TMEM150B: variants seen among roughly 807,000 people sequenced by gnomAD.
TMEM150B encodes the protein transmembrane protein 150B.
In TMEM150B, 33 loss-of-function variants were observed where a neutral mutation model predicts 25.2. The ratio of observed to expected loss-of-function variants is 1.31; its 90% CI spans 0.99 to 1.75. The LOEUF (loss-of-function observed/expected upper bound fraction) is 1.75, where lower values mean the gene tolerates loss of function less well. TMEM150B is among the 40% of genes most tolerant of loss of function. TMEM150B has a pLI of 0.00. For synonymous variants in TMEM150B, 133 were observed against 134.8 expected, an observed-to-expected ratio of 0.99 and a Z score of 0.09; for missense variants, 322 against 306.1, an observed-to-expected ratio of 1.05 and a Z score of -0.39.
chr19:55,312,706 G>A (rs1027211207), downstream of TMEM150B: 11 of 738,756 alleles, frequency 1.5e-5, no homozygotes, highest in African/African-American at 4.3e-5. Flanking sequence ...CCTCCGCGCC[G>A]GCACACAGGT....
At chr19:55,321,424 G>C (rs895528556) in intron 2 of TMEM150B, among the ~76,000 whole-genome samples, 1 of 151,996 alleles carries the variant, frequency 6.6e-6, no homozygotes, top group African/African-American at 2.4e-5. Context: ...GGTGAGCTTA[G>C]GGAAGAAGGG....
downstream of TMEM150B, chr19:55,312,533 CAAAAAAAAAAAAAA>C (rs372052269): frequency 2.1e-3 from 54 of 25,748 alleles, 1 homozygote; most frequent in South Asian, 0.11. Flanking sequence ...CCGCCGGCGG[CAAAAAAAAAAAAAA>C]AAAAAAAAAA....
chr19:55,314,619 AC>A (rs1444530646), intron 7 of TMEM150B, among the ~76,000 whole-genome samples: 2 of 151,866 alleles, frequency 1.3e-5, no homozygotes, highest in Non-Finnish European at 2.9e-5. Flanking sequence ...CACCCAAGAG[AC>A]TACTGAGTCC....
chr19:55,320,335 G>A (rs1332779936), intron 5 of TMEM150B, 56 bp downstream of exon 5: 13 of 1,502,826 alleles, frequency 8.7e-6, no homozygotes, highest in African/African-American at 4.2e-5. Flanking sequence ...GAGCGGTTTC[G>A]GAACTCGCTT....
At chr19:55,318,669 G>A (rs1449838811) in intron 6 of TMEM150B, among the ~76,000 whole-genome samples, 2 of 152,082 alleles carry the variant, frequency 1.3e-5, no homozygotes, top group Non-Finnish European at 2.9e-5. Context: ...TATTCTCTGT[G>A]GTCCATGGGC....
chr19:55,320,181 G>A lies in TMEM150B; in HGVS notation c.197-15C>T, dbSNP rs1477823977. The A allele has an allele frequency of 6.2e-7, 1 of 1,612,772 alleles. No individual in the cohort carries two copies. Among genetic ancestry groups the A allele is most frequent in the East Asian group, 2.2e-5 (1 of 44,872 alleles). ...GATCCACGCGGCTGGGAGTAGAGGG[G>A]AGAAGGAAGTGGGAGGGAGACCCAC... On this transcript the variant is annotated splice_polypyrimidine_tract_variant and intron_variant, in intron 5 of 7. Transcript: ENST00000326652.
chr19:55,314,292 G>A (rs141931032), intron 7 of TMEM150B, among the ~76,000 whole-genome samples: 213 of 152,256 alleles, frequency 1.4e-3, no homozygotes, highest in Middle Eastern at 0.014. Flanking sequence ...AAAGCGCTGG[G>A]ATTATGGGCA....
downstream of TMEM150B, chr19:55,312,715 G>A: frequency 1.3e-6 from 1 of 798,398 alleles, no homozygotes; most frequent in South Asian, 1.9e-5. Flanking sequence ...CGGCACACAG[G>A]TCCTCCGGCT....
Position 55,319,994 on chromosome 19 carries a change from C to T in TMEM150B, c.324+45G>A, listed in dbSNP as rs773562196. 21 of 1,612,604 alleles carry T rather than the reference C, an allele frequency of 1.3e-5. No homozygotes were observed. The African/African-American group carries it at 2.8e-4, about 22-fold the overall frequency. The stretch of plus-strand genomic sequence containing the variant: ...ACGGGGCATGCTGGGAGTTGTAGTT[C>T]CAGACGCCGGCCGGGACAGACCCTG... On this transcript the variant is annotated intron_variant, in intron 6 of 7. Transcript: ENST00000326652.
chr19:55,320,399 G>A lies in TMEM150B; in HGVS notation c.188C>T (p.Ala63Val). ...CIFSQVLNMG[A>V]ALAAWICIVR... ...GGCTGGGCAATATTTACCCAGAGCA[G>A]CTCCCATATTGAGCACCTGGCTGAA... is the stretch of plus-strand genomic sequence containing the variant. The change falls in exon 5 of 8, where the codon GCT (alanine) becomes GTT (valine). Residue 63 changes from alanine (A) to valine (V), a missense_variant. Ala to Val is a moderately conservative substitution (Grantham distance 64, BLOSUM62 0). Transcript: ENST00000326652. The A allele has an allele frequency of 6.4e-7, 1 of 1,561,574 alleles. No homozygotes were observed. The highest frequency in any genetic ancestry group is 8.7e-7 in the Non-Finnish European group (1 of 1,152,716).
intron 2 of TMEM150B, among the ~76,000 whole-genome samples, 166 bp downstream of exon 2, chr19:55,322,482 T>A (rs1401966149): frequency 6.6e-6 from 1 of 151,542 alleles, no homozygotes; most frequent in African/African-American, 2.4e-5. Flanking sequence ...ACGTCACGGG[T>A]GGGGGTCTGA....
chr19:55,323,150 G>A lies in TMEM150B; in HGVS notation c.-153-407C>T, dbSNP rs575383064. 6.1e-4 allele frequency among the ~76,000 whole-genome samples: 93 copies of A among 152,272 alleles called. 1 individual carries two copies. The highest frequency in any genetic ancestry group is 1.8e-3 in the African/African-American group (76 of 41,576). ...TTAGCCATTTTAAAGTGTACGACTC[G>A]GCCAGGCACGGCGGCTCACGCCTGT... is the stretch of plus-strand genomic sequence containing the variant. On this transcript the variant is annotated intron_variant, in intron 1 of 7. Transcript: ENST00000326652.
In TMEM150B at chr19:55,320,476, G is replaced by T; in HGVS notation, c.129-18C>A. Reference sequence around the variant, plus strand: ...CGCAGATGCTGGGGAAGACAAAGGGGTCATCCTGGGCAATCCAAGCTAGGG... The same window carrying T: ...CGCAGATGCTGGGGAAGACAAAGGGTTCATCCTGGGCAATCCAAGCTAGGG... On this transcript the variant is annotated intron_variant, in intron 4 of 7. Coordinates refer to ENST00000326652, the MANE Select transcript of TMEM150B (RefSeq NM_001282011.2). 2 of 1,602,168 alleles carry T rather than the reference G, an allele frequency of 1.2e-6. No homozygotes were observed. Among genetic ancestry groups the T allele is most frequent in the African/African-American group, 1.3e-5 (1 of 74,690 alleles).
At chr19:55,312,017 C>G (rs777121131), downstream of TMEM150B, 2 of 1,512,324 alleles carry the variant, frequency 1.3e-6, no homozygotes, top group South Asian at 1.3e-5. Context: ...CCCGCCGAGG[C>G]CCCCCCAAGG....
downstream of TMEM150B, among the ~76,000 whole-genome samples, chr19:55,310,641 G>C (rs149574900): frequency 7.2e-3 from 1,101 of 152,278 alleles, 10 homozygotes; most frequent in African/African-American, 0.025. This position sits in a 1 kb window ranked among gnomAD's most constrained non-coding sequence, Gnocchi z 5.0. Context: ...TGTAGGTGGA[G>C]GCCAGGGATG....
chr19:55,311,770 ACTGGG>A, downstream of TMEM150B: 1 of 855,346 alleles, frequency 1.2e-6, no homozygotes, highest in South Asian at 1.8e-5. Context: ...TGCTGGACGG[ACTGGG>A]CCTTATCAGG....
chr19:55,314,051 T>A (rs1568996471), intron 7 of TMEM150B, among the ~76,000 whole-genome samples: 1 of 152,158 alleles, frequency 6.6e-6, no homozygotes, highest in Non-Finnish European at 1.5e-5. Context: ...AAACAGAGTC[T>A]CACTCTGTGT....
In TMEM150B at chr19:55,320,325, G is replaced by A. The variant is rs1229135435; in HGVS notation, c.196+66C>T. ...GCATGGACTCCTGGGTTTGAGAAAG[G>A]AGCGGTTTCGGAACTCGCTTGGCTG... On this transcript the variant is annotated intron_variant, in intron 5 of 7. Coordinates refer to ENST00000326652, the MANE Select transcript of TMEM150B (RefSeq NM_001282011.2). 2.7e-6 allele frequency: 4 copies of A among 1,499,150 alleles called. No individual in the cohort carries two copies. The Admixed American group carries it at 9.4e-5, about 35-fold the overall frequency. 92.9% of individuals were successfully genotyped at this position (1,499,150 alleles called of 1,614,324 possible). A position where few individuals can be genotyped will look rare whatever the true frequency, so the allele number is the denominator to read the frequency against.
intron 6 of TMEM150B, 73 bp downstream of exon 6, chr19:55,319,966 G>C: frequency 6.2e-7 from 1 of 1,607,542 alleles, no homozygotes; most frequent in Non-Finnish European, 8.5e-7. Context: ...TAAGCCTATG[G>C]CCACGGGGCA....
Sources: allele counts gnomAD v4.1 joint callset (sites outside exome capture counted in the v4.1 genomes callset), GRCh38; gene constraint gnomAD v4.1.1; non-coding constraint Gnocchi (gnomAD v3.1); transcripts MANE v1.5; gene names NCBI Gene and HGNC (gene_info 2026-07-23, HGNC 2026-07-21).